The following TMC7 variants were observed in gnomAD, a reference collection of about 807,000 sequenced individuals.
The protein encoded by TMC7 is transmembrane channel like 7.
In TMC7, 54 loss-of-function variants were observed where a neutral mutation model predicts 82.9. The ratio of observed to expected loss-of-function variants is 0.65; its 90% CI spans 0.52 to 0.82. The LOEUF (loss-of-function observed/expected upper bound fraction) is 0.82. Ranked by LOEUF, TMC7 falls within the 40% of genes least tolerant of loss-of-function variation. The pLI is 0.00. For synonymous variants in TMC7, 350 were observed against 337.9 expected (o/e 1.04, Z -0.39); for missense variants, 820 against 901.2 (o/e 0.91, Z 1.15).
rs753979892 is a variant in TMC7 at position 19,051,700 on chromosome 16, C to T, written c.1755C>T (p.Tyr585=). 3.6e-5 allele frequency: 58 copies of T among 1,614,024 alleles called. No individual in the cohort carries two copies. The highest frequency in any genetic ancestry group is 9.3e-5 in the African/African-American group (7 of 75,010). The change falls in exon 13 of 16, where the codon TAC becomes TAT. Residue 585 remains tyrosine, a synonymous_variant. Transcript: ENST00000304381. ...TCTCCTTGTAGTGGAGTCTGCTTTACACCTGCAGACCCTCCCCCAGGCCGT... is the reference window on the plus strand; with the variant it reads ...TCTCCTTGTAGTGGAGTCTGCTTTATACCTGCAGACCCTCCCCCAGGCCGT... ...IFYVKEWSLL[Y]TCRPSPRPFR...
At chr16:19,018,797 TA>T (rs200248735) in intron 3 of TMC7, among the ~76,000 whole-genome samples, 13 of 151,448 alleles carry the variant, frequency 8.6e-5, no homozygotes, top group Non-Finnish European at 1.2e-4. Flanking sequence ...AAAATGAAAA[TA>T]AAAAAAAACC....
Position 19,047,049 on chromosome 16 carries a change from T to C in TMC7, c.1554-14T>C, listed in dbSNP as rs1430036855. ...CAGACACCAGTAGCCCAAATGAGAA[T>C]TGTCTGTTTCCAGGCTCCTGGTGAC... On this transcript the variant is annotated splice_polypyrimidine_tract_variant and intron_variant, in intron 11 of 15. Coordinates refer to ENST00000304381, the MANE Select transcript of TMC7 (RefSeq NM_024847.4). 6.3e-7 allele frequency: 1 copy of C among 1,591,082 alleles called. No individual in the cohort carries two copies. The highest frequency in any genetic ancestry group is 1.8e-5 in the Admixed American group (1 of 55,816).
chr16:19,059,305 T>G, intron 14 of TMC7, 111 bp from the exon 15 acceptor site: 1 of 1,523,210 alleles, frequency 6.6e-7, no homozygotes, highest in Non-Finnish European at 8.8e-7. Context: ...ATGCCCAGCC[T>G]TCTTTTCTAA....
chr16:18,986,314 G>C (rs71373169), intron 1 of TMC7, among the ~76,000 whole-genome samples: 1 of 150,216 alleles, frequency 6.7e-6, no homozygotes, highest in African/African-American at 2.5e-5. Context: ...AGAATCGCTT[G>C]AACCCGGGAG....
At position 19,002,525 on chromosome 16, in the gene TMC7, C is replaced by G. The variant is rs111934432; in HGVS notation, c.68-6647C>G. On this transcript the variant is annotated intron_variant, in intron 1 of 15. Coordinates refer to ENST00000304381, the MANE Select transcript of TMC7 (RefSeq NM_024847.4). ...GTGCTGGGATTACAGGCGTGAGCCA[C>G]AGTGCCCAGCCCGGATGGAGGGCCT... is the stretch of plus-strand genomic sequence containing the variant. Among the ~76,000 whole-genome samples the G allele has an allele frequency of 3.1e-3, 464 of 152,084 alleles. 3 individuals carry two copies. Among genetic ancestry groups the G allele is most frequent in the African/African-American group, 0.011 (447 of 41,472 alleles).
chr16:18,986,105 C>G (rs2038843295), intron 1 of TMC7, among the ~76,000 whole-genome samples: 1 of 151,824 alleles, frequency 6.6e-6, no homozygotes, highest in African/African-American at 2.4e-5. Context: ...ATAAAACTTT[C>G]CGGTGGCTGG....
At chr16:19,041,191 C>T (rs1367957831) in intron 9 of TMC7, among the ~76,000 whole-genome samples, 4 of 151,610 alleles carry the variant, frequency 2.6e-5, no homozygotes, top group Admixed American at 6.6e-5. Flanking sequence ...CCACCATGCC[C>T]GGTCTCAAAG....
rs553932623 is a variant in TMC7, at chr16:19,025,618, TCAAAACAAAA to T, written c.711+2439_711+2448del. 5.9e-5 allele frequency among the ~76,000 whole-genome samples: 9 copies of T among 151,878 alleles called. 1 individual carries two copies. Among genetic ancestry groups the T allele is most frequent in the East Asian group, 5.8e-4 (3 of 5,192 alleles). On this transcript the variant is annotated intron_variant, in intron 5 of 15. Transcript: ENST00000304381. ...TGGGCAATGAGAGGGAGAGTTTGTC[TCAAAACAAAA>T]CAAAACAAAACAAAAAACAAAAAAA... is the stretch of plus-strand genomic sequence containing the variant.
At chr16:19,034,471 G>C (rs896978057) in intron 6 of TMC7, among the ~76,000 whole-genome samples, 1 of 148,600 alleles carries the variant, frequency 6.7e-6, no homozygotes, top group Non-Finnish European at 1.5e-5. Context: ...GGTGGCAGGC[G>C]CCTGTAATCC....
chr16:19,040,086 A>G (rs1364296376), intron 8 of TMC7, among the ~76,000 whole-genome samples: 2 of 129,374 alleles, frequency 1.5e-5, no homozygotes, highest in Non-Finnish European at 3.1e-5. Context: ...CCTGCACTCC[A>G]GCCTGGGTGA....
chr16:19,047,273 G>T (rs201691822), intron 12 of TMC7, 24 bp downstream of exon 12: 1 of 1,604,924 alleles, frequency 6.2e-7, no homozygotes, highest in African/African-American at 1.3e-5. Context: ...GGGAATGGGG[G>T]CTCATATACT....
intron 1 of TMC7, 90 bp downstream of exon 1, chr16:18,984,220 G>T: frequency 7.3e-7 from 1 of 1,373,762 alleles, no homozygotes. Context: ...CGGCCTGGCC[G>T]CTGTTCCCTC....
chr16:18,985,387 C>T (rs1383103922), intron 1 of TMC7, among the ~76,000 whole-genome samples: 1 of 151,504 alleles, frequency 6.6e-6, no homozygotes, highest in Non-Finnish European at 1.5e-5. Context: ...AATCAGAAAA[C>T]AAAAGTTGGG....
chr16:19,014,292 C>G (rs1223077177), intron 2 of TMC7, among the ~76,000 whole-genome samples: 1 of 152,122 alleles, frequency 6.6e-6, no homozygotes, highest in African/African-American at 2.4e-5. Context: ...GTCCCCCTCC[C>G]CCAAGTTGTG....
chr16:19,025,618 TCAAAA>T lies in TMC7; in HGVS notation c.711+2444_711+2448del, dbSNP rs553932623. 1.8e-4 allele frequency among the ~76,000 whole-genome samples: 28 copies of T among 151,996 alleles called. 1 individual carries two copies. Among genetic ancestry groups the T allele is most frequent in the Admixed American group, 4.6e-4 (7 of 15,244 alleles). Reference sequence around the variant, plus strand: ...TGGGCAATGAGAGGGAGAGTTTGTCTCAAAACAAAACAAAACAAAACAAAAAACAA... The same window carrying T: ...TGGGCAATGAGAGGGAGAGTTTGTCTCAAAACAAAACAAAACAAAAAACAA... On this transcript the variant is annotated intron_variant, in intron 5 of 15. Coordinates refer to ENST00000304381, the MANE Select transcript of TMC7 (RefSeq NM_024847.4).
At chr16:19,023,636 G>A (rs548608468) in intron 5 of TMC7, among the ~76,000 whole-genome samples, 19 of 152,100 alleles carry the variant, frequency 1.2e-4, no homozygotes, top group African/African-American at 2.7e-4. Context: ...TAGTAGAGAC[G>A]GAGTTTCACC....
At chr16:18,986,009 G>A (rs569112747) in intron 1 of TMC7, among the ~76,000 whole-genome samples, 8 of 151,690 alleles carry the variant, frequency 5.3e-5, no homozygotes, top group Non-Finnish European at 1.5e-5. Flanking sequence ...CTCCAGCCTG[G>A]GTGACAGAAC....
intron 2 of TMC7, among the ~76,000 whole-genome samples, chr16:19,010,122 CCCCT>C (rs1227735219): frequency 2.5e-4 from 26 of 103,540 alleles, no homozygotes; most frequent in African/African-American, 9.0e-4. Context: ...TTCCCCCTTT[CCCCT>C]CTCTCCTCTC....
rs11864159 is a variant in TMC7 at position 19,056,574 on chromosome 16, C to A, written c.1904C>A (p.Thr635Asn). Residue 635 changes from threonine (T) to asparagine (N), a missense_variant, in exon 14 of 16, where the codon ACC (threonine) becomes AAC (asparagine). Physicochemically the swap from Thr to Asn is moderately conservative, Grantham distance 65. This residue lies in a region of TMC7 where 170 missense variants were observed against 231.3 expected (regional missense o/e 0.74). Coordinates refer to ENST00000304381, the MANE Select transcript of TMC7 (RefSeq NM_024847.4). ...TCCTCGAAAGCCTGTGGGCCGTTCA[C>A]CAACTTCAACACCACCTGGGAGGTC... ...IPSSKACGPF[T>N]NFNTTWEVIP... 1.4e-5 allele frequency: 23 copies of A among 1,614,106 alleles called. No homozygotes were observed. In the South Asian group the frequency reaches 1.5e-4, roughly 11 times the overall value.
Sources: allele counts gnomAD v4.1 joint callset (sites outside exome capture counted in the v4.1 genomes callset), GRCh38; gene constraint gnomAD v4.1.1; regional missense constraint gnomAD v4.1.1; transcripts MANE v1.5; gene names NCBI Gene and HGNC (gene_info 2026-07-23, HGNC 2026-07-21).